SEC14L2: variants seen among roughly 807,000 people sequenced by gnomAD.
The protein encoded by SEC14L2 is SEC14 like lipid binding 2, also known as SEC14-like protein 2.
In SEC14L2, 50 loss-of-function variants were observed where a neutral mutation model predicts 56.9. That is an observed-to-expected ratio of 0.88 (90% CI 0.70 to 1.11). The LOEUF is 1.11. SEC14L2 is among the 50% of genes most tolerant of loss of function. The pLI, the probability that SEC14L2 is intolerant of heterozygous loss-of-function variation, is 0.00. For synonymous variants in SEC14L2, 179 were observed against 188.5 expected, an observed-to-expected ratio of 0.95 and a Z score of 0.41; for missense variants, 414 against 500.7, an observed-to-expected ratio of 0.83 and a Z score of 1.65.
chr22:30,409,529 G>A (rs896967944), intron 7 of SEC14L2, 43 bp downstream of exon 7: 2 of 1,580,108 alleles, frequency 1.3e-6, no homozygotes. Context: ...TGGAAAAGAG[G>A]GGTCAAAAAC....
Position 30,424,102 on chromosome 22 carries a change from G to A in SEC14L2, c.*1695G>A, listed in dbSNP as rs1371548139. The A allele has an allele frequency of 6.5e-6, 1 of 153,240 alleles. No individual in the cohort carries two copies. The highest frequency in any genetic ancestry group is 1.5e-5 in the Non-Finnish European group (1 of 68,716). 9.5% of individuals were successfully genotyped at this position (153,240 alleles called of 1,614,324 possible). A position where few individuals can be genotyped will look rare whatever the true frequency, so the allele number is the denominator to read the frequency against. On this transcript the variant is annotated 3_prime_UTR_variant, in exon 12 of 12. Transcript: ENST00000615189. ...AAGGATGCTCCCCACGGCCTTCACA[G>A]TGACGGCGGAGACCCTGCCCCGCCA...
At chr22:30,398,477 C>G in intron 1 of SEC14L2, 1 of 347,290 alleles carries the variant, frequency 2.9e-6, no homozygotes, top group Non-Finnish European at 5.7e-6. Flanking sequence ...GCAGGAGGCT[C>G]AGGGAGGGCA....
At chr22:30,411,392 T>C (rs969428144) in intron 8 of SEC14L2, among the ~76,000 whole-genome samples, 3 of 152,130 alleles carry the variant, frequency 2.0e-5, no homozygotes, top group African/African-American at 4.8e-5. Flanking sequence ...AGCAGCTTCA[T>C]TTGACAAGCA....
chr22:30,422,564 T>TG lies in SEC14L2; in HGVS notation c.*158dup, dbSNP rs1934549064. On this transcript the variant is annotated 3_prime_UTR_variant, in exon 12 of 12. Transcript: ENST00000615189. The stretch of plus-strand genomic sequence containing the variant: ...TTCAGTTAGGCAGAGGAAGAGCGAC[T>TG]GCAGTGGGTCTCCGTGTCTATCAAA... 3.6e-6 allele frequency: 3 copies of TG among 837,450 alleles called. No homozygotes were observed. In the African/African-American group the frequency reaches 5.2e-5, roughly 14 times the overall value. 51.9% of individuals were successfully genotyped at this position (837,450 alleles called of 1,614,324 possible). A position where few individuals can be genotyped will look rare whatever the true frequency, so the allele number is the denominator to read the frequency against.
Position 30,407,121 on chromosome 22 carries a change from C to A in SEC14L2, c.201C>A (p.Asp67Glu). 2 of 1,613,992 alleles carry A rather than the reference C, an allele frequency of 1.2e-6. No individual in the cohort carries two copies. The highest frequency in any genetic ancestry group is 1.7e-6 in the Non-Finnish European group (2 of 1,179,996). ...ATGTGGAGTTCCGAAAGCAAAAGGA[C>A]ATTGACAACATCATTAGCTGGCAGC... Reference protein sequence around the residue: ...RKHVEFRKQKDIDNIISWQPP... With the variant: ...RKHVEFRKQKEIDNIISWQPP... The change falls in exon 4 of 12, where the codon GAC becomes GAA. Residue 67 changes from aspartate to glutamate, a missense_variant. Coordinates refer to ENST00000615189, the MANE Select transcript of SEC14L2 (RefSeq NM_012429.5).
intron 11 of SEC14L2, among the ~76,000 whole-genome samples, chr22:30,417,230 C>G (rs896166835): frequency 6.6e-6 from 1 of 152,194 alleles, no homozygotes; most frequent in African/African-American, 2.4e-5. Flanking sequence ...AGTGTGTACA[C>G]AGAAAAGAAC....
intron 7 of SEC14L2, 71 bp from the exon 8 acceptor site, chr22:30,410,525 G>A: frequency 7.1e-7 from 1 of 1,407,202 alleles, no homozygotes. Flanking sequence ...GGTAGCAGGT[G>A]CTGCAGAGGA....
intron 11 of SEC14L2, chr22:30,421,263 G>C (rs1393202661): frequency 1.3e-5 from 2 of 152,130 alleles, no homozygotes; most frequent in African/African-American, 4.8e-5. Context: ...CTCATCGCAG[G>C]ATTTCAGGAA....
intron 7 of SEC14L2, 60 bp from the exon 8 acceptor site, chr22:30,410,536 C>T (rs528232157): frequency 1.5e-5 from 23 of 1,490,674 alleles, no homozygotes; most frequent in Middle Eastern, 1.8e-4. Flanking sequence ...CTGCAGAGGA[C>T]GCTGTTAGGG....
At chr22:30,413,669 T>C (rs1374337304) in intron 8 of SEC14L2, among the ~76,000 whole-genome samples, 1 of 152,164 alleles carries the variant, frequency 6.6e-6, no homozygotes, top group Non-Finnish European at 1.5e-5. Context: ...ATGTTCATCT[T>C]TTGGTGACAC....
chr22:30,413,044 A>C (rs1222265479), intron 8 of SEC14L2, among the ~76,000 whole-genome samples: 1 of 152,154 alleles, frequency 6.6e-6, no homozygotes, highest in Non-Finnish European at 1.5e-5. Context: ...AGATATAAAA[A>C]TGTTGGGAAT....
intron 11 of SEC14L2, 51 bp downstream of exon 11, chr22:30,416,454 G>A: frequency 6.2e-7 from 1 of 1,614,026 alleles, no homozygotes; most frequent in Non-Finnish European, 8.5e-7. Flanking sequence ...CCAGCTTTCT[G>A]CCTGTGAGGT....
At position 30,398,598 on chromosome 22, in the gene SEC14L2, C is replaced by G. The variant is rs562386585; in HGVS notation, c.55-1045C>G. Reference sequence around the variant, plus strand: ...TGGCACTACCTGCACTTTCCCGCTTCCTGGCTTCCCCTACTGGAACTGTTC... The same window carrying G: ...TGGCACTACCTGCACTTTCCCGCTTGCTGGCTTCCCCTACTGGAACTGTTC... On this transcript the variant is annotated intron_variant, in intron 1 of 11. Coordinates refer to ENST00000615189, the MANE Select transcript of SEC14L2 (RefSeq NM_012429.5). 1.1e-3 allele frequency: 456 copies of G among 432,710 alleles called. 5 individuals are homozygous for G. The highest frequency in any genetic ancestry group is 8.5e-3 in the African/African-American group (420 of 49,564). 26.8% of individuals were successfully genotyped at this position (432,710 alleles called of 1,614,324 possible).
At position 30,422,332 on chromosome 22, in the gene SEC14L2, C is replaced by T; in HGVS notation, c.1137C>T (p.Phe379=). The T allele has an allele frequency of 1.2e-6, 2 of 1,614,222 alleles. No individual in the cohort carries two copies. The highest frequency in any genetic ancestry group is 1.7e-6 in the Non-Finnish European group (2 of 1,180,038). ...TCATTCATGCCAAGAAGGTCAATTT[C>T]ACTGTGGAGGTCCTGCTTCCAGACA... ...YSFIHAKKVN[F]TVEVLLPDKA... Residue 379 remains phenylalanine (F), a synonymous_variant, in exon 12 of 12, where the codon TTC becomes TTT. Coordinates refer to ENST00000615189, the MANE Select transcript of SEC14L2 (RefSeq NM_012429.5).
At chr22:30,412,807 G>A (rs1437686588) in intron 8 of SEC14L2, among the ~76,000 whole-genome samples, 1 of 136,960 alleles carries the variant, frequency 7.3e-6, no homozygotes, top group Non-Finnish European at 1.5e-5. Flanking sequence ...CTGGGCAACA[G>A]AGCAAAACCC....
At chr22:30,410,558 A>C in intron 7 of SEC14L2, 38 bp from the exon 8 acceptor site, 4 of 1,582,476 alleles carry the variant, frequency 2.5e-6, no homozygotes, top group Non-Finnish European at 3.5e-6. Context: ...CAGACTGGGC[A>C]CTGCTCCCAG....
At position 30,406,366 on chromosome 22, in the gene SEC14L2, C is replaced by T. The variant is rs751272847; in HGVS notation, c.155C>T (p.Ser52Leu). 1.7e-5 allele frequency: 28 copies of T among 1,614,088 alleles called. No individual in the cohort carries two copies. In the South Asian group the frequency reaches 2.6e-4, roughly 15 times the overall value. ...LRARSFDLQKSEAMLRKHVEF... is the reference protein window; with the variant it reads ...LRARSFDLQKLEAMLRKHVEF... ...GCCAGAAGCTTCGACCTGCAGAAGT[C>T]GGAGGCCATGCTCCGGAAGGTGAGA... The change falls in exon 3 of 12, where the codon TCG (serine) becomes TTG (leucine). Residue 52 changes from serine to leucine, a missense_variant. Physicochemically the swap from Ser to Leu is moderately radical, Grantham distance 145 (BLOSUM62 -2). Transcript: ENST00000615189.
chr22:30,399,412 G>A (rs1933854829), intron 1 of SEC14L2, among the ~76,000 whole-genome samples: 1 of 151,614 alleles, frequency 6.6e-6, no homozygotes, highest in South Asian at 2.1e-4. Flanking sequence ...CTACTTGGGA[G>A]GCTGAGTCAG....
At position 30,425,154 on chromosome 22, in the gene SEC14L2, A is replaced by G. The variant is rs915668476; in HGVS notation, c.*2747A>G. On this transcript the variant is annotated 3_prime_UTR_variant, in exon 12 of 12. Coordinates refer to ENST00000615189, the MANE Select transcript of SEC14L2 (RefSeq NM_012429.5). ...CACTTAGCAGCTGTGTGTTCTGGGA[A>G]AATGACCCACCTTCTCTGTGCCTCC... The G allele has an allele frequency of 2.0e-5, 4 of 198,360 alleles. No homozygotes were observed. Among genetic ancestry groups the G allele is most frequent in the Non-Finnish European group, 4.3e-5 (4 of 93,830 alleles). 12.3% of individuals were successfully genotyped at this position (198,360 alleles called of 1,614,324 possible).
Sources: gnomAD v4.1 joint callset for allele counts (sites outside exome capture counted in the v4.1 genomes callset) on GRCh38, gnomAD v4.1.1 for gene constraint, MANE v1.5 for transcripts, NCBI Gene and HGNC (gene_info 2026-07-23, HGNC 2026-07-21) for gene names.